The following ZNF804A variants were observed in gnomAD, a reference collection of about 807,000 sequenced individuals.
ZNF804A encodes the protein zinc finger protein 804A.
A neutral mutation model predicts 16.5 loss-of-function variants in ZNF804A; 2 were observed. That is an observed-to-expected ratio of 0.12 (90% CI 0.05 to 0.38). The LOEUF is 0.38. Among genes scored for constraint, ZNF804A ranks in the 10% least tolerant of loss-of-function variants. The pLI is 0.99. For synonymous variants in ZNF804A, 534 were observed against 489.6 expected, an observed-to-expected ratio of 1.09 and a Z score of -1.20; for missense variants, 1,473 against 1,390.7, an observed-to-expected ratio of 1.06 and a Z score of -0.94.
At chr2:184,767,958 A>G (rs1003749368) in intron 1 of ZNF804A, among the ~76,000 whole-genome samples, 2 of 152,098 alleles carry the variant, frequency 1.3e-5, no homozygotes, top group African/African-American at 2.4e-5. Flanking sequence ...CAACATTTTA[A>G]AAAGTTACTT....
chr2:184,725,085 AT>A (rs774140922), intron 1 of ZNF804A, among the ~76,000 whole-genome samples: 1 of 151,714 alleles, frequency 6.6e-6, no homozygotes, highest in Non-Finnish European at 1.5e-5. Context: ...AGACACAGTG[AT>A]TAGCTACTAG....
chr2:184,745,234 C>T (rs967029066), intron 1 of ZNF804A, among the ~76,000 whole-genome samples: 5 of 151,620 alleles, frequency 3.3e-5, no homozygotes, highest in Admixed American at 2.0e-4. Flanking sequence ...GAATATAAAA[C>T]CATTAAATTT....
At chr2:184,894,258 T>C (rs1221470946) in intron 2 of ZNF804A, among the ~76,000 whole-genome samples, 1 of 152,146 alleles carries the variant, frequency 6.6e-6, no homozygotes, top group Non-Finnish European at 1.5e-5. Context: ...CCAACCCACA[T>C]GCCATTAAGA....
chr2:184,782,240 T>C (rs1335196514), intron 1 of ZNF804A, among the ~76,000 whole-genome samples: 1 of 151,590 alleles, frequency 6.6e-6, no homozygotes, highest in Non-Finnish European at 1.5e-5. Context: ...ACATTTTGTT[T>C]TTGTAGTGGT....
At chr2:184,884,139 A>G (rs1004289786) in intron 2 of ZNF804A, among the ~76,000 whole-genome samples, 7 of 152,098 alleles carry the variant, frequency 4.6e-5, no homozygotes, top group African/African-American at 1.4e-4. Context: ...ACAAAAATCA[A>G]TAGCATTTCT....
At chr2:184,882,921 G>T (rs1684830795) in intron 2 of ZNF804A, among the ~76,000 whole-genome samples, 1 of 151,834 alleles carries the variant, frequency 6.6e-6, no homozygotes, top group African/African-American at 2.4e-5. Context: ...CAGAAGAAAA[G>T]AAATAACTGA....
chr2:184,787,638 C>A (rs1402074779), intron 1 of ZNF804A, among the ~76,000 whole-genome samples: 1 of 151,944 alleles, frequency 6.6e-6, no homozygotes, highest in African/African-American at 2.4e-5. Flanking sequence ...GTTTCGTTGG[C>A]CACTTGTATT....
At position 184,695,682 on chromosome 2, in the gene ZNF804A, T is replaced by C. The variant is rs548522736; in HGVS notation, c.111+96612T>C. On this transcript the variant is annotated intron_variant, in intron 1 of 3. Coordinates refer to ENST00000302277, the MANE Select transcript of ZNF804A (RefSeq NM_194250.2). Reference sequence around the variant, plus strand: ...ATCCTCCCACCTTGGCCTTCCAAAGTGTTGGGATATCAAGCATGAGCTACT... The same window carrying C: ...ATCCTCCCACCTTGGCCTTCCAAAGCGTTGGGATATCAAGCATGAGCTACT... Among the ~76,000 whole-genome samples the C allele has an allele frequency of 2.6e-5, 4 of 151,922 alleles. No individual in the cohort carries two copies. In the South Asian group the frequency reaches 6.3e-4, roughly 24 times the overall value.
intron 1 of ZNF804A, among the ~76,000 whole-genome samples, chr2:184,838,274 A>G (rs1695384496): frequency 6.6e-6 from 1 of 152,132 alleles, no homozygotes; most frequent in Non-Finnish European, 1.5e-5. Flanking sequence ...CATTAAAACT[A>G]GACTACTTAT....
intron 2 of ZNF804A, among the ~76,000 whole-genome samples, chr2:184,884,261 T>C (rs1194074937): frequency 6.6e-6 from 1 of 152,030 alleles, no homozygotes; most frequent in East Asian, 1.9e-4. Flanking sequence ...TGAAAGATCT[T>C]TACAATGAGA....
intron 1 of ZNF804A, among the ~76,000 whole-genome samples, chr2:184,632,912 T>C (rs1190516651): frequency 6.6e-6 from 1 of 152,192 alleles, no homozygotes; most frequent in Non-Finnish European, 1.5e-5. Context: ...AGCAAACATA[T>C]TGGTCTGGGG....
chr2:184,716,298 T>C (rs1395689517), intron 1 of ZNF804A, among the ~76,000 whole-genome samples: 1 of 152,118 alleles, frequency 6.6e-6, no homozygotes, highest in Non-Finnish European at 1.5e-5. Flanking sequence ...ATTTTTGTAA[T>C]GGTATTGCAA....
At chr2:184,607,119 ATT>A (rs1166904997) in intron 1 of ZNF804A, among the ~76,000 whole-genome samples, 15 of 152,114 alleles carry the variant, frequency 9.9e-5, no homozygotes, top group African/African-American at 3.1e-4. Flanking sequence ...CTGGATTACA[ATT>A]TCTCTCTCTC....
intron 2 of ZNF804A, among the ~76,000 whole-genome samples, chr2:184,929,074 G>A (rs1004317355): frequency 5.5e-4 from 83 of 152,086 alleles, no homozygotes; most frequent in Admixed American, 1.6e-3. Flanking sequence ...CCTTGTGGGC[G>A]GGGGGAAGAT....
chr2:184,644,579 A>G (rs1691843458), intron 1 of ZNF804A, among the ~76,000 whole-genome samples: 1 of 151,914 alleles, frequency 6.6e-6, no homozygotes, highest in South Asian at 2.1e-4. Flanking sequence ...TATGTCCTGT[A>G]ATGTCGTCAT....
At chr2:184,914,119 G>C (rs1209259459) in intron 2 of ZNF804A, among the ~76,000 whole-genome samples, 1 of 152,120 alleles carries the variant, frequency 6.6e-6, no homozygotes, top group African/African-American at 2.4e-5. Context: ...TGGTCTCATT[G>C]CCTAGAAAAC....
intron 1 of ZNF804A, among the ~76,000 whole-genome samples, chr2:184,668,126 T>C (rs1468745967): frequency 6.6e-6 from 1 of 151,854 alleles, no homozygotes; most frequent in Non-Finnish European, 1.5e-5. Flanking sequence ...AAAGGACATA[T>C]TATTTTCTAT....
chr2:184,836,516 C>A (rs1293891334), intron 1 of ZNF804A, among the ~76,000 whole-genome samples: 2 of 152,058 alleles, frequency 1.3e-5, no homozygotes, highest in African/African-American at 2.4e-5. Flanking sequence ...CAGAACTTTT[C>A]AAACAGTATC....
intron 1 of ZNF804A, among the ~76,000 whole-genome samples, chr2:184,725,469 T>A (rs1245386440): frequency 2.6e-5 from 4 of 151,686 alleles, no homozygotes; most frequent in Admixed American, 2.0e-4. Context: ...ACTCTAATAA[T>A]AATTTTCCAC....
Sources: gnomAD v4.1 joint callset for allele counts (sites outside exome capture counted in the v4.1 genomes callset) on GRCh38, gnomAD v4.1.1 for gene constraint, MANE v1.5 for transcripts, NCBI Gene and HGNC (gene_info 2026-07-23, HGNC 2026-07-21) for gene names.